The following PCDHA4 variants were observed in gnomAD, a reference collection of about 807,000 sequenced individuals.
PCDHA4 encodes the protein protocadherin alpha-4.
A neutral mutation model predicts 61.4 loss-of-function variants in PCDHA4; 49 were observed. That is an observed-to-expected ratio of 0.80 (90% CI 0.63 to 1.01). PCDHA4 has a LOEUF of 1.01. Ranked by LOEUF, PCDHA4 falls within the 50% of genes least tolerant of loss-of-function variation. The pLI is 0.00. For synonymous variants in PCDHA4, 590 were observed against 550.3 expected, an observed-to-expected ratio of 1.07 and a Z score of -1.01; for missense variants, 1,254 against 1,235.8, an observed-to-expected ratio of 1.01 and a Z score of -0.22.
At chr5:140,877,374 A>T in intron 1 of PCDHA4, 1 of 1,613,970 alleles carries the variant, frequency 6.2e-7, no homozygotes, top group African/African-American at 1.3e-5. Flanking sequence ...TCAGCACGAC[A>T]CGCATCCTGG....
At chr5:141,004,142 G>C (rs1323224367) in intron 3 of PCDHA4, among the ~76,000 whole-genome samples, 1 of 152,214 alleles carries the variant, frequency 6.6e-6, no homozygotes, top group African/African-American at 2.4e-5. Flanking sequence ...TGCCCCAAAG[G>C]CATGACATTT....
chr5:140,828,406 C>T lies in PCDHA4; in HGVS notation c.2385+18834C>T, dbSNP rs1426756496. On this transcript the variant is annotated intron_variant, in intron 1 of 3. Coordinates refer to ENST00000530339, the MANE Select transcript of PCDHA4 (RefSeq NM_018907.4). ...GGCGGAGCGCGGAGTGCAGCATCCA[C>T]CTGGAGGTGATCGTGGACAGGCCGC... The T allele has an allele frequency of 3.1e-6, 5 of 1,614,244 alleles. No individual in the cohort carries two copies. In the Admixed American group the frequency reaches 5.0e-5, roughly 16 times the overall value.
chr5:140,822,988 T>C, intron 1 of PCDHA4: 1 of 1,614,222 alleles, frequency 6.2e-7, no homozygotes, highest in South Asian at 1.1e-5. Context: ...GAATTACTAC[T>C]CGTTGGTGCT....
chr5:140,875,987 T>C, intron 1 of PCDHA4: 1 of 1,614,032 alleles, frequency 6.2e-7, no homozygotes, highest in Non-Finnish European at 8.5e-7. Flanking sequence ...ACCTATGCGT[T>C]AAGTCTAAAT....
intron 1 of PCDHA4, among the ~76,000 whole-genome samples, chr5:140,945,549 G>A (rs246058): frequency 0.56 from 85,718 of 151,780 alleles, 24,784 homozygotes; most frequent in African/African-American, 0.69. Context: ...ACAAAAAAAT[G>A]AAGCTGAAGA....
At chr5:140,978,222 G>A (rs997273847) in intron 1 of PCDHA4, among the ~76,000 whole-genome samples, 7 of 152,298 alleles carry the variant, frequency 4.6e-5, no homozygotes, top group East Asian at 1.9e-4. Context: ...AATGTATCAG[G>A]TTTTTCTTGG....
intron 1 of PCDHA4, chr5:140,848,375 C>T: frequency 1.7e-6 from 2 of 1,165,908 alleles, no homozygotes; most frequent in Admixed American, 4.7e-5. Flanking sequence ...AGGCTCAATT[C>T]TTTTTCACTC....
intron 1 of PCDHA4, among the ~76,000 whole-genome samples, chr5:140,826,671 C>A (rs1040298871): frequency 2.1e-4 from 32 of 151,720 alleles, no homozygotes; most frequent in Admixed American, 1.4e-3. Flanking sequence ...AAATTGTAGA[C>A]GTAATTAAAA....
intron 1 of PCDHA4, chr5:140,852,499 A>G: frequency 3.9e-6 from 1 of 258,480 alleles, no homozygotes; most frequent in Non-Finnish European, 6.5e-6. Context: ...GTTGGTCTCG[A>G]ACTCCTGACC....
In PCDHA4 at chr5:140,807,658, C is replaced by G. The variant is rs782754560; in HGVS notation, c.471C>G (p.Ala157=). The change falls in exon 1 of 4, where the codon GCC becomes GCG. Residue 157 remains alanine, a synonymous_variant. Coordinates refer to ENST00000530339, the MANE Select transcript of PCDHA4 (RefSeq NM_018907.4). ...ACTCTCGGTTTCCACTAGAGGGCGC[C>G]TCGGATGCAGATATCGGGGAGAACG... ...PLDSRFPLEG[A]SDADIGENAL... is the part of the protein sequence containing the mutation. 14 of 1,614,204 alleles carry G rather than the reference C, an allele frequency of 8.7e-6. No individual in the cohort carries two copies. The highest frequency in any genetic ancestry group is 2.2e-5 in the East Asian group (1 of 44,886).
Position 140,807,247 on chromosome 5 carries a change from C to T in PCDHA4, c.60C>T (p.Leu20=). The T allele has an allele frequency of 1.2e-6, 2 of 1,614,062 alleles. No homozygotes were observed. The highest frequency in any genetic ancestry group is 1.7e-6 in the Non-Finnish European group (2 of 1,179,904). ...GGCGTCTGCTGCTCTTACTTCTTCT[C>T]CTCGCAGCCTGGGAGGCAGGGAACG... The part of the protein sequence containing the change: ...ESRRLLLLLL[L]LAAWEAGNGQ... Residue 20 remains leucine, a synonymous_variant, in exon 1 of 4, where the codon CTC becomes CTT. Coordinates refer to ENST00000530339, the MANE Select transcript of PCDHA4 (RefSeq NM_018907.4).
In PCDHA4 at chr5:140,843,697, T is replaced by C. The variant is rs2150365268; in HGVS notation, c.2385+34125T>C. 3.9e-5 allele frequency: 61 copies of C among 1,583,460 alleles called. 6 individuals carry two copies. Among genetic ancestry groups the C allele is most frequent in the Middle Eastern group, 1.7e-4 (1 of 5,990 alleles). ...ATGTAGGCGAAGAGCAAGATTTAAA[T>C]GTTGATCATGGCCTCAAAGTAAGTC... On this transcript the variant is annotated intron_variant, in intron 1 of 3. Coordinates refer to ENST00000530339, the MANE Select transcript of PCDHA4 (RefSeq NM_018907.4).
intron 1 of PCDHA4, among the ~76,000 whole-genome samples, chr5:140,945,772 T>C (rs538344111): frequency 1.3e-5 from 2 of 152,110 alleles, no homozygotes; most frequent in Non-Finnish European, 2.9e-5. Flanking sequence ...GACAATTTGA[T>C]ATCCAGATGC....
rs554073823 is a variant in PCDHA4 at position 140,945,407 on chromosome 5, T to C, written c.2386-33542T>C. Among the ~76,000 whole-genome samples, 498 of 152,246 alleles carry C rather than the reference T, an allele frequency of 3.3e-3. 2 individuals carry two copies. Among genetic ancestry groups the C allele is most frequent in the African/African-American group, 0.011 (476 of 41,568 alleles). ...CAATATACAAATTCAATACAATTCG[T>C]ATCAAAATTTCAATGAAGTTTTTAC... On this transcript the variant is annotated intron_variant, in intron 1 of 3. Coordinates refer to ENST00000530339, the MANE Select transcript of PCDHA4 (RefSeq NM_018907.4).
intron 1 of PCDHA4, chr5:140,848,438 T>C: frequency 6.8e-7 from 1 of 1,477,490 alleles, no homozygotes; most frequent in Non-Finnish European, 9.2e-7. Flanking sequence ...CGAAATCAGA[T>C]GATTTCTTCT....
intron 1 of PCDHA4, among the ~76,000 whole-genome samples, chr5:140,831,626 G>T (rs1771648020): frequency 6.7e-6 from 1 of 149,106 alleles, no homozygotes; most frequent in Non-Finnish European, 1.5e-5. Flanking sequence ...GCCTCCCAAA[G>T]TACTAAGATT....
intron 1 of PCDHA4, among the ~76,000 whole-genome samples, chr5:140,918,149 A>G (rs2078550151): frequency 1.3e-5 from 2 of 151,946 alleles, no homozygotes; most frequent in African/African-American, 4.8e-5. Flanking sequence ...CTTTTTGTGT[A>G]TGTCTATTGT....
chr5:141,004,148 C>T (rs971282591), intron 3 of PCDHA4, among the ~76,000 whole-genome samples: 1 of 152,222 alleles, frequency 6.6e-6, no homozygotes, highest in African/African-American at 2.4e-5. Context: ...AAAGGCATGA[C>T]ATTTTATAGG....
chr5:141,000,393 C>CTATAAATATATA (rs1563650230), intron 3 of PCDHA4, among the ~76,000 whole-genome samples: 1 of 52,856 alleles, frequency 1.9e-5, no homozygotes, highest in African/African-American at 9.2e-5. Flanking sequence ...CTCTCTCTCT[C>CTATAAATATATA]TCTATATATA....
Sources: gnomAD v4.1 joint callset for allele counts (sites outside exome capture counted in the v4.1 genomes callset) on GRCh38, gnomAD v4.1.1 for gene constraint, MANE v1.5 for transcripts, NCBI Gene and HGNC (gene_info 2026-07-23, HGNC 2026-07-21) for gene names.